The following MTCL3 variants were observed in gnomAD, a reference collection of about 807,000 sequenced individuals.
The protein encoded by MTCL3 is MTCL family member 3, also known as microtubule cross-linking factor 3.
At chr6:127,515,602 G>A in the MTCL3 span, 2 of 1,426,446 alleles carry the variant, frequency 1.4e-6, no homozygotes, top group Admixed American at 3.3e-5. This position sits in a 1 kb window ranked among gnomAD's most constrained non-coding sequence, Gnocchi z 4.3. Flanking sequence ...CGGCTGCGAC[G>A]AAGGGGGCGC....
At chr6:127,481,357 T>C in the MTCL3 span, 4 of 985,258 alleles carry the variant, frequency 4.1e-6, no homozygotes, top group Non-Finnish European at 4.8e-6. Context: ...AGTGACAGAG[T>C]ATATTTGGAC....
chr6:127,516,302 C>T, the MTCL3 span: 6 of 1,570,690 alleles, frequency 3.8e-6, no homozygotes, highest in Non-Finnish European at 4.3e-6. Flanking sequence ...AGGGGCGTCG[C>T]CTTCTCGGCC....
chr6:127,487,539 C>G, the MTCL3 span, among the ~76,000 whole-genome samples: 845 of 152,242 alleles, frequency 5.6e-3, 9 homozygotes, highest in African/African-American at 0.019. Context: ...AGAATGGGCT[C>G]TTGTTCCTAG....
At chr6:127,489,399 A>G in the MTCL3 span, among the ~76,000 whole-genome samples, 1 of 152,244 alleles carries the variant, frequency 6.6e-6, no homozygotes, top group African/African-American at 2.4e-5. Flanking sequence ...AAGAAGAGTC[A>G]TATGTCTCTC....
At chr6:127,490,557 G>A in the MTCL3 span, among the ~76,000 whole-genome samples, 3 of 151,488 alleles carry the variant, frequency 2.0e-5, no homozygotes, top group Non-Finnish European at 4.4e-5. Flanking sequence ...AGTGGCTCAC[G>A]CCTGTAATCC....
chr6:127,475,352 G>A, the MTCL3 span: 1 of 1,613,280 alleles, frequency 6.2e-7, no homozygotes, highest in South Asian at 1.1e-5. This position sits in a 1 kb window ranked among gnomAD's most constrained non-coding sequence, Gnocchi z 7.3. Context: ...GGCACCTCGA[G>A]GCGGTCGATG....
chr6:127,503,085 G>A, the MTCL3 span, among the ~76,000 whole-genome samples: 101 of 152,258 alleles, frequency 6.6e-4, no homozygotes, highest in East Asian at 0.015. Context: ...ATAGATTCTA[G>A]GAGTATTGAG....
At chr6:127,474,195 G>A in the MTCL3 span, among the ~76,000 whole-genome samples, 1 of 151,744 alleles carries the variant, frequency 6.6e-6, no homozygotes, top group East Asian at 1.9e-4. Context: ...CTTTCCAGGG[G>A]GTTGTAGACA....
At chr6:127,502,252 G>A in the MTCL3 span, among the ~76,000 whole-genome samples, 1 of 152,196 alleles carries the variant, frequency 6.6e-6, no homozygotes, top group Non-Finnish European at 1.5e-5. Flanking sequence ...TTTGATCAAA[G>A]AACAGTTCTT....
At chr6:127,476,344 C>A in the MTCL3 span, 4 of 1,614,204 alleles carry the variant, frequency 2.5e-6, no homozygotes, top group Non-Finnish European at 2.5e-6. This position sits in a 1 kb window ranked among gnomAD's most constrained non-coding sequence, Gnocchi z 4.4. Context: ...ATAAAAGGAT[C>A]TGTACTTCTG....
chr6:127,481,006 G>T, the MTCL3 span, among the ~76,000 whole-genome samples: 1 of 152,146 alleles, frequency 6.6e-6, no homozygotes, highest in African/African-American at 2.4e-5. Flanking sequence ...ATAAAAGCTG[G>T]TAGATTGCAT....
chr6:127,519,076 G>A, the MTCL3 span: 1 of 152,194 alleles, frequency 6.6e-6, no homozygotes, highest in East Asian at 1.9e-4. Context: ...GCGGGATAAA[G>A]AGACAAAAAG....
chr6:127,516,339 G>C, the MTCL3 span: 5 of 1,589,656 alleles, frequency 3.1e-6, no homozygotes, highest in South Asian at 2.2e-5. Context: ...GGATGCTGGC[G>C]GGCGGCCCCG....
At chr6:127,486,295 G>A in the MTCL3 span, among the ~76,000 whole-genome samples, 4 of 152,068 alleles carry the variant, frequency 2.6e-5, no homozygotes, top group Non-Finnish European at 4.4e-5. Flanking sequence ...GGTGCCTTTA[G>A]GGCTGCTACT....
At chr6:127,511,438 T>C in the MTCL3 span, among the ~76,000 whole-genome samples, 3 of 152,140 alleles carry the variant, frequency 2.0e-5, no homozygotes, top group Non-Finnish European at 2.9e-5. Context: ...TTTGATCTTT[T>C]AACTTTAGGG....
At chr6:127,478,265 G>T in the MTCL3 span, among the ~76,000 whole-genome samples, 1 of 152,202 alleles carries the variant, frequency 6.6e-6, no homozygotes, top group African/African-American at 2.4e-5. Flanking sequence ...GATAGAGAAT[G>T]AATAAAGAGG....
the MTCL3 span, among the ~76,000 whole-genome samples, chr6:127,502,926 A>G: frequency 2.0e-5 from 3 of 152,200 alleles, no homozygotes; most frequent in Non-Finnish European, 2.9e-5. Context: ...ACCTGAAAAC[A>G]CTTTTCTAGT....
the MTCL3 span, among the ~76,000 whole-genome samples, chr6:127,491,456 T>C: frequency 2.6e-4 from 39 of 152,362 alleles, no homozygotes; most frequent in South Asian, 7.9e-3. Context: ...AAGATGATCC[T>C]TAGGATGTTT....
the MTCL3 span, chr6:127,517,445 A>T: frequency 6.6e-6 from 1 of 152,230 alleles, no homozygotes; most frequent in African/African-American, 2.4e-5. Context: ...AATAATTTTT[A>T]AAATACATTT....
Sources: allele counts gnomAD v4.1 joint callset (sites outside exome capture counted in the v4.1 genomes callset), GRCh38; gene constraint gnomAD v4.1.1; non-coding constraint Gnocchi (gnomAD v3.1); transcripts MANE v1.5; gene names NCBI Gene and HGNC (gene_info 2026-07-23, HGNC 2026-07-21).